The following CASTOR2 variants were observed in gnomAD, a reference collection of about 807,000 sequenced individuals.
CASTOR2 encodes cytosolic arginine sensor for mTORC1 subunit 2.
A neutral mutation model predicts 31.2 loss-of-function variants in CASTOR2; 8 were observed. That is an observed-to-expected ratio of 0.26 (90% CI 0.15 to 0.46). The LOEUF (loss-of-function observed/expected upper bound fraction) is 0.46, where lower values mean the gene tolerates loss of function less well. Among genes scored for constraint, CASTOR2 ranks in the 20% least tolerant of loss-of-function variants. The pLI is 0.99. For missense variants in CASTOR2, 216 were observed against 382.1 expected, an observed-to-expected ratio of 0.57 and a Z score of 3.62; for synonymous variants, 162 against 158.7, an observed-to-expected ratio of 1.02 and a Z score of -0.16.
intron 1 of CASTOR2, among the ~76,000 whole-genome samples, chr7:74,972,061 C>T (rs1554435126): frequency 6.7e-6 from 1 of 149,934 alleles, no homozygotes; most frequent in Non-Finnish European, 1.5e-5. Flanking sequence ...TCACTGCAGC[C>T]TCAAATTCCT....
chr7:75,024,639 C>G lies in CASTOR2; in HGVS notation c.930C>G (p.Pro310=), dbSNP rs887921572. 6.1e-5 allele frequency: 95 copies of G among 1,551,548 alleles called. 2 individuals are homozygous for G. In the East Asian group the frequency reaches 1.7e-3, roughly 28 times the overall value. ...CCTCCTCTACCCCTGCACAGGTCCCCGAAGAGAACATCAATGGTGTCATCA... is the reference window on the plus strand; with the variant it reads ...CCTCCTCTACCCCTGCACAGGTCCCGGAAGAGAACATCAATGGTGTCATCA... ...STFKFDHALV[P]EENINGVISA... Residue 310 remains proline, a synonymous_variant, in exon 9 of 9, where the codon CCC becomes CCG. Transcript: ENST00000616305.
At position 75,026,638 on chromosome 7, in the gene CASTOR2, C is replaced by T. The variant is rs1229703405; in HGVS notation, c.*1939C>T. On this transcript the variant is annotated 3_prime_UTR_variant, in exon 9 of 9. Coordinates refer to ENST00000616305, the MANE Select transcript of CASTOR2 (RefSeq NM_001145064.3). ...TAAAATCCTTGTGGGTGTTGAAGGC[C>T]CACCACATTAATTAGAAACCAACTT... Among the ~76,000 whole-genome samples the T allele has an allele frequency of 2.0e-5, 3 of 152,102 alleles. No homozygotes were observed. The highest frequency in any genetic ancestry group is 4.4e-5 in the Non-Finnish European group (3 of 68,038).
chr7:74,970,986 A>T (rs587631978), intron 1 of CASTOR2, among the ~76,000 whole-genome samples: 3,381 of 149,876 alleles, frequency 0.023, 136 homozygotes, highest in Non-Finnish European at 0.034. Flanking sequence ...ATCAACAAGG[A>T]TGCTTTGTGG....
chr7:75,028,207 A>G lies in CASTOR2; in HGVS notation c.*3508A>G, dbSNP rs1268972423. 7.0e-6 allele frequency: 6 copies of G among 859,406 alleles called. No homozygotes were observed. Among genetic ancestry groups the G allele is most frequent in the Non-Finnish European group, 1.0e-5 (6 of 585,992 alleles). The allele number at this position is 859,406 out of a possible 1,614,324, so 53.2% of individuals were successfully genotyped here. On this transcript the variant is annotated 3_prime_UTR_variant, in exon 9 of 9. Coordinates refer to ENST00000616305, the MANE Select transcript of CASTOR2 (RefSeq NM_001145064.3). ...ATCTCAGCTCACTGCAGCAACCTCC[A>G]CTTCCTGGGTTCAAGCGAGTCTCCT...
At chr7:75,023,722 G>A (rs1310247274) in intron 7 of CASTOR2, among the ~76,000 whole-genome samples, 1 of 152,132 alleles carries the variant, frequency 6.6e-6, no homozygotes, top group African/African-American at 2.4e-5. Context: ...TTACAGGCGT[G>A]AGCCACCACT....
rs1361855495 is a variant in CASTOR2, at chr7:74,965,887, C to T, written c.113+789C>T. ...ACACACACACACACACACACACTCT[C>T]TCTCTCTCTCTCTCTCTCTCTCTCT... is the stretch of plus-strand genomic sequence containing the variant. On this transcript the variant is annotated intron_variant, in intron 1 of 8. Coordinates refer to ENST00000616305, the MANE Select transcript of CASTOR2 (RefSeq NM_001145064.3). Among the ~76,000 whole-genome samples, 3 of 17,392 alleles carry T rather than the reference C, an allele frequency of 1.7e-4. 1 individual carries two copies. The highest frequency in any genetic ancestry group is 7.3e-4 in the African/African-American group (3 of 4,114). 11.4% of individuals were successfully genotyped at this position (17,392 alleles called of 152,430 possible).
chr7:75,014,651 C>T (rs1367016494), intron 2 of CASTOR2, among the ~76,000 whole-genome samples: 42 of 152,234 alleles, frequency 2.8e-4, no homozygotes, highest in African/African-American at 9.4e-4. Flanking sequence ...GTGAGCAGGG[C>T]GGGTAGACCA....
intron 1 of CASTOR2, among the ~76,000 whole-genome samples, chr7:74,988,425 G>A (rs1443707345): frequency 6.6e-6 from 1 of 152,112 alleles, no homozygotes; most frequent in Non-Finnish European, 1.5e-5. Context: ...AGCCTCCCGG[G>A]TAGCTGGGAC....
At chr7:74,996,400 A>G (rs1169118653) in intron 1 of CASTOR2, among the ~76,000 whole-genome samples, 6 of 152,106 alleles carry the variant, frequency 3.9e-5, no homozygotes, top group Non-Finnish European at 7.4e-5. Flanking sequence ...CGTGTCCCCA[A>G]AGTCCTTTAA....
rs1452983233 is a variant in CASTOR2, at chr7:75,018,991, C to T, written c.531C>T (p.His177=). The change falls in exon 5 of 9, where the codon CAC becomes CAT. Residue 177 remains histidine, a synonymous_variant. Transcript: ENST00000616305. The part of the protein sequence containing the change: ...KPKLVQRPVI[H]PLSSPSNRFC... ...TTACAGTCCAGAGGCCAGTCATCCA[C>T]CCACTGTCCAGCCCGAGCAACAGGT... The T allele has an allele frequency of 6.4e-7, 1 of 1,551,898 alleles. No individual in the cohort carries two copies. The highest frequency in any genetic ancestry group is 1.4e-5 in the African/African-American group (1 of 73,042).
intron 1 of CASTOR2, among the ~76,000 whole-genome samples, chr7:74,986,483 C>G (rs1235361652): frequency 2.8e-5 from 4 of 143,430 alleles, no homozygotes; most frequent in Non-Finnish European, 6.0e-5. Context: ...GAGGGAGACT[C>G]TGTCTCAAAA....
intron 2 of CASTOR2, among the ~76,000 whole-genome samples, chr7:75,016,779 G>C (rs2131953224): frequency 6.6e-6 from 1 of 152,348 alleles, no homozygotes; most frequent in Admixed American, 6.5e-5. Flanking sequence ...TTGCCCACAT[G>C]GCTCCTACTC....
intron 2 of CASTOR2, among the ~76,000 whole-genome samples, chr7:75,010,798 G>C (rs2131947621): frequency 6.6e-6 from 1 of 151,832 alleles, no homozygotes; most frequent in East Asian, 1.9e-4. Flanking sequence ...AGGCTGCTTA[G>C]AAATCTATTA....
At chr7:75,002,871 T>G (rs1392981386) in intron 1 of CASTOR2, among the ~76,000 whole-genome samples, 1 of 151,918 alleles carries the variant, frequency 6.6e-6, no homozygotes, top group African/African-American at 2.4e-5. Flanking sequence ...GAGGATCACT[T>G]GAGGCCAGGA....
At chr7:75,012,562 C>T (rs1158227740) in intron 2 of CASTOR2, among the ~76,000 whole-genome samples, 1 of 151,866 alleles carries the variant, frequency 6.6e-6, no homozygotes, top group African/African-American at 2.4e-5. Flanking sequence ...TTGCCTTGAC[C>T]TCCCAAAGTG....
rs880001787 is a variant in CASTOR2 at position 74,967,350 on chromosome 7, C to T, written c.113+2252C>T. 3.7e-3 allele frequency among the ~76,000 whole-genome samples: 502 copies of T among 134,604 alleles called. 6 individuals are homozygous for T. The highest frequency in any genetic ancestry group is 0.012 in the African/African-American group (464 of 38,038). The allele number at this position is 134,604 out of a possible 152,430, so 88.3% of individuals were successfully genotyped here. ...GGCTTTTTAGCAAGTGTTAATGGGT[C>T]GCAGCCTGCCGACATAGCATTTAAA... On this transcript the variant is annotated intron_variant, in intron 1 of 8. Coordinates refer to ENST00000616305, the MANE Select transcript of CASTOR2 (RefSeq NM_001145064.3).
chr7:75,023,613 T>A (rs1362346899), intron 7 of CASTOR2, among the ~76,000 whole-genome samples: 1 of 151,794 alleles, frequency 6.6e-6, no homozygotes, highest in Non-Finnish European at 1.5e-5. Flanking sequence ...CTAATTCTTG[T>A]AGTTTTAGTA....
intron 1 of CASTOR2, among the ~76,000 whole-genome samples, chr7:75,002,599 CA>C (rs1804521566): frequency 6.6e-6 from 1 of 152,034 alleles, no homozygotes; most frequent in Non-Finnish European, 1.5e-5. Context: ...CCAGCCTGGG[CA>C]ACAAGAGCAA....
rs77349091 is a variant in CASTOR2, at chr7:74,974,347, C to G, written c.113+9249C>G. Among the ~76,000 whole-genome samples, 3 of 149,302 alleles carry G rather than the reference C, an allele frequency of 2.0e-5. No individual in the cohort carries two copies. The East Asian group carries it at 5.9e-4, about 29-fold the overall frequency. ...TGTAGGCAGGGCCTGATAGGAAGCG[C>G]GAAAGGAGTTTCTGTCCCGTGGGAG... On this transcript the variant is annotated intron_variant, in intron 1 of 8. Coordinates refer to ENST00000616305, the MANE Select transcript of CASTOR2 (RefSeq NM_001145064.3).
Sources: allele counts gnomAD v4.1 joint callset (sites outside exome capture counted in the v4.1 genomes callset), GRCh38; gene constraint gnomAD v4.1.1; transcripts MANE v1.5; gene names NCBI Gene and HGNC (gene_info 2026-07-23, HGNC 2026-07-21).